The following SLC25A31 variants were observed in gnomAD, a reference collection of about 807,000 sequenced individuals.
SLC25A31 encodes solute carrier family 25 member 31.
Under a neutral mutation model 36.2 loss-of-function variants are expected in SLC25A31, and 40 were observed. The ratio of observed to expected loss-of-function variants is 1.10; its 90% CI spans 0.86 to 1.44. The LOEUF is 1.44. SLC25A31 is among the 40% of genes most tolerant of loss of function. The pLI, the probability that SLC25A31 is intolerant of heterozygous loss-of-function variation, is 0.00. For synonymous variants in SLC25A31, 143 were observed against 149.7 expected (o/e 0.96, Z 0.32); for missense variants, 350 against 397.1 (o/e 0.88, Z 1.01).
intron 1 of SLC25A31, among the ~76,000 whole-genome samples, chr4:127,732,029 T>C (rs1240422499): frequency 6.6e-6 from 1 of 152,228 alleles, no homozygotes; most frequent in Non-Finnish European, 1.5e-5. Context: ...ACGAAAGTGC[T>C]TTGTGAACCA....
chr4:127,741,452 C>A (rs1023004512), intron 1 of SLC25A31, among the ~76,000 whole-genome samples: 22 of 151,498 alleles, frequency 1.5e-4, no homozygotes, highest in African/African-American at 4.9e-4. Flanking sequence ...TCAAATGCTT[C>A]TTCAGCATTT....
chr4:127,746,398 TC>T (rs1031302428), intron 2 of SLC25A31, among the ~76,000 whole-genome samples: 1 of 152,200 alleles, frequency 6.6e-6, no homozygotes, highest in Non-Finnish European at 1.5e-5. Flanking sequence ...TAATTTACAC[TC>T]CCACCAACAG....
At chr4:127,764,931 G>A (rs1168929748) in intron 3 of SLC25A31, among the ~76,000 whole-genome samples, 2 of 152,076 alleles carry the variant, frequency 1.3e-5, no homozygotes, top group African/African-American at 2.4e-5. Flanking sequence ...TCACAATTAC[G>A]AAAATATTAC....
chr4:127,751,703 A>G (rs1731936166), intron 2 of SLC25A31, among the ~76,000 whole-genome samples: 1 of 152,260 alleles, frequency 6.6e-6, no homozygotes. Flanking sequence ...CAGAATCTAC[A>G]AAGAACTCAA....
chr4:127,756,267 C>T (rs1732029740), intron 2 of SLC25A31, among the ~76,000 whole-genome samples: 1 of 152,140 alleles, frequency 6.6e-6, no homozygotes, highest in Non-Finnish European at 1.5e-5. Flanking sequence ...TTATAGAAGA[C>T]AGAAATTCTG....
Position 127,767,164 on chromosome 4 carries a change from G to A in SLC25A31, c.577G>A (p.Val193Ile), listed in dbSNP as rs1319559741. ...TTTATACCAAGGGTTTGGTGTTTCA[G>A]TACAGGGCATCATTGTGTACCGAGC... is the stretch of plus-strand genomic sequence containing the variant. ...AGLYQGFGVSVQGIIVYRASY... is the reference protein window; with the variant it reads ...AGLYQGFGVSIQGIIVYRASY... The change falls in exon 4 of 6, where the codon GTA becomes ATA. Residue 193 changes from valine (V) to isoleucine (I), a missense_variant. Coordinates refer to ENST00000281154, the MANE Select transcript of SLC25A31 (RefSeq NM_031291.4). The A allele has an allele frequency of 1.2e-6, 2 of 1,613,728 alleles. No homozygotes were observed. Among genetic ancestry groups the A allele is most frequent in the South Asian group, 1.1e-5 (1 of 91,048 alleles).
intron 1 of SLC25A31, among the ~76,000 whole-genome samples, chr4:127,737,409 T>A (rs901555074): frequency 6.6e-6 from 1 of 152,222 alleles, no homozygotes; most frequent in African/African-American, 2.4e-5. Context: ...AGGAACACAT[T>A]CTTCAGCCAA....
At position 127,765,252 on chromosome 4, in the gene SLC25A31, A is replaced by G. The variant is rs116658878; in HGVS notation, c.478+892A>G. ...TGCTTTCATCCTGGAAGTAGTAGTT[A>G]GTTCCTCTAATTTCTAAGTCTTTCT... On this transcript the variant is annotated intron_variant, in intron 3 of 5. Transcript: ENST00000281154. Among the ~76,000 whole-genome samples, 1,328 of 152,214 alleles carry G rather than the reference A, an allele frequency of 8.7e-3. 23 individuals carry two copies. Among genetic ancestry groups the G allele is most frequent in the African/African-American group, 0.03 (1,240 of 41,546 alleles).
Position 127,770,495 on chromosome 4 carries a change from G to A in SLC25A31, c.759+1618G>A, listed in dbSNP as rs574647741. Among the ~76,000 whole-genome samples, 801 of 151,864 alleles carry A rather than the reference G, an allele frequency of 5.3e-3. 6 individuals carry two copies. The highest frequency in any genetic ancestry group is 8.4e-3 in the Non-Finnish European group (573 of 67,918). ...CAAAAAATTAGCCAGGCGTGGTGGC[G>A]GGCGCCTGTAGTCCCAGCTACTCGG... On this transcript the variant is annotated intron_variant, in intron 5 of 5. Transcript: ENST00000281154.
intron 2 of SLC25A31, among the ~76,000 whole-genome samples, chr4:127,751,449 G>C (rs1731930369): frequency 1.3e-5 from 2 of 152,202 alleles, no homozygotes; most frequent in East Asian, 3.9e-4. Context: ...TTAAATGTTA[G>C]ACCTAAAACC....
At chr4:127,745,546 C>T (rs1467522828) in intron 2 of SLC25A31, among the ~76,000 whole-genome samples, 5 of 152,140 alleles carry the variant, frequency 3.3e-5, no homozygotes. Context: ...CCTCAGCCAA[C>T]CAAGCTGTCT....
intron 1 of SLC25A31, among the ~76,000 whole-genome samples, chr4:127,734,581 A>G (rs1056062710): frequency 7.3e-6 from 1 of 136,160 alleles, no homozygotes; most frequent in African/African-American, 2.6e-5. Context: ...AAAAAAAAAA[A>G]AGATCCGTAC....
At chr4:127,737,401 G>A (rs1297454284) in intron 1 of SLC25A31, among the ~76,000 whole-genome samples, 5 of 152,054 alleles carry the variant, frequency 3.3e-5, no homozygotes, top group South Asian at 2.1e-4. Flanking sequence ...TTTCTCAAAG[G>A]AACACATTCT....
In SLC25A31 at chr4:127,732,023, A is replaced by G. The variant is rs1439076534; in HGVS notation, c.232+1246A>G. On this transcript the variant is annotated intron_variant, in intron 1 of 5. Transcript: ENST00000281154. ...TTGGAATGATTTAAAGAAATAACGAAAGTGCTTTGTGAACCATTGCTGCAA... is the reference window on the plus strand; with the variant it reads ...TTGGAATGATTTAAAGAAATAACGAGAGTGCTTTGTGAACCATTGCTGCAA... Among the ~76,000 whole-genome samples, 7 of 152,204 alleles carry G rather than the reference A, an allele frequency of 4.6e-5. No individual in the cohort carries two copies. In the East Asian group the frequency reaches 1.3e-3, roughly 29 times the overall value.
intron 5 of SLC25A31, 130 bp from the exon 6 acceptor site, chr4:127,773,256 C>A: frequency 1.4e-6 from 1 of 690,786 alleles, no homozygotes; most frequent in Non-Finnish European, 2.2e-6. Context: ...GGGACAGTAG[C>A]CATATATGCC....
intron 2 of SLC25A31, among the ~76,000 whole-genome samples, chr4:127,751,338 A>G (rs933493967): frequency 1.3e-5 from 2 of 152,236 alleles, no homozygotes; most frequent in African/African-American, 4.8e-5. Context: ...TTCCCTATTT[A>G]ATAAATGGTG....
intron 2 of SLC25A31, among the ~76,000 whole-genome samples, chr4:127,746,771 G>A (rs1731832345): frequency 6.6e-6 from 1 of 151,556 alleles, no homozygotes; most frequent in Non-Finnish European, 1.5e-5. Context: ...AAGCTCTTAA[G>A]TTTAAGTAGA....
At chr4:127,761,505 TC>T (rs1434291417) in intron 2 of SLC25A31, among the ~76,000 whole-genome samples, 1 of 152,224 alleles carries the variant, frequency 6.6e-6, no homozygotes, top group Non-Finnish European at 1.5e-5. Context: ...AACTATACTC[TC>T]ATCTTTCTCT....
intron 2 of SLC25A31, among the ~76,000 whole-genome samples, chr4:127,762,595 GTTA>G (rs1006309737): frequency 1.3e-5 from 2 of 152,116 alleles, no homozygotes; most frequent in African/African-American, 4.8e-5. Context: ...TAGTAAAGCT[GTTA>G]AGGAAAAATA....
Sources: gnomAD v4.1 joint callset for allele counts (sites outside exome capture counted in the v4.1 genomes callset) on GRCh38, gnomAD v4.1.1 for gene constraint, MANE v1.5 for transcripts, NCBI Gene and HGNC (gene_info 2026-07-23, HGNC 2026-07-21) for gene names.